The following LRP1B variants were observed in gnomAD, a reference collection of about 807,000 sequenced individuals.
LRP1B encodes the protein LDL receptor related protein 1B.
Under a neutral mutation model 556.6 loss-of-function variants are expected in LRP1B, and 217 were observed. That is an observed-to-expected ratio of 0.39 (90% confidence interval 0.35 to 0.44). LRP1B has a LOEUF of 0.44. LRP1B is among the 20% of genes least tolerant of loss of function. The pLI is 1.00. For synonymous variants in LRP1B, 2,047 were observed against 1,865.8 expected, an observed-to-expected ratio of 1.10 and a Z score of -2.50; for missense variants, 5,053 against 5,620.8, an observed-to-expected ratio of 0.90 and a Z score of 3.23.
At chr2:140,792,768 T>C (rs901731602) in intron 32 of LRP1B, among the ~76,000 whole-genome samples, 2 of 152,134 alleles carry the variant, frequency 1.3e-5, no homozygotes, top group Non-Finnish European at 2.9e-5. Flanking sequence ...GGAATAGTAG[T>C]GCTTTCATTA....
At chr2:140,575,361 A>G (rs1574095782) in intron 43 of LRP1B, among the ~76,000 whole-genome samples, 1 of 152,262 alleles carries the variant, frequency 6.6e-6, no homozygotes, top group East Asian at 1.9e-4. Context: ...ATGTCCTCCT[A>G]ATTTTGCAGA....
At chr2:141,338,194 C>T (rs768949361) in intron 3 of LRP1B, among the ~76,000 whole-genome samples, 3 of 152,132 alleles carry the variant, frequency 2.0e-5, no homozygotes, top group Non-Finnish European at 4.4e-5. Context: ...TATAACCCAA[C>T]CTCTTGGGAC....
intron 17 of LRP1B, 79 bp downstream of exon 17, chr2:140,989,453 T>C (rs778134442): frequency 1.1e-4 from 169 of 1,522,232 alleles, no homozygotes; most frequent in Non-Finnish European, 1.4e-4. Context: ...AAGTTCAGCT[T>C]AGTTCAAAGC....
At chr2:140,458,064 A>C (rs1158342714) in intron 60 of LRP1B, among the ~76,000 whole-genome samples, 1 of 152,078 alleles carries the variant, frequency 6.6e-6, no homozygotes, top group Non-Finnish European at 1.5e-5. Flanking sequence ...TAAATACCTA[A>C]ATCTAAAGAT....
At chr2:141,082,102 GTCTC>G (rs1173359848) in intron 7 of LRP1B, among the ~76,000 whole-genome samples, 14 of 147,620 alleles carry the variant, frequency 9.5e-5, no homozygotes. Flanking sequence ...AAAAGAGAAA[GTCTC>G]TATAGCTCCA....
intron 18 of LRP1B, among the ~76,000 whole-genome samples, chr2:140,964,985 T>C (rs1696159144): frequency 6.6e-6 from 1 of 152,042 alleles, no homozygotes; most frequent in Non-Finnish European, 1.5e-5. Context: ...CAACTGAGGT[T>C]TGGAGGGATA....
intron 41 of LRP1B, among the ~76,000 whole-genome samples, chr2:140,619,985 C>T (rs958301028): frequency 2.6e-5 from 4 of 151,952 alleles, no homozygotes; most frequent in African/African-American, 9.7e-5. Flanking sequence ...AATTTAAAAC[C>T]TGTCAAAGTT....
chr2:140,403,587 A>G (rs1684601108), intron 66 of LRP1B, among the ~76,000 whole-genome samples: 1 of 152,208 alleles, frequency 6.6e-6, no homozygotes, highest in African/African-American at 2.4e-5. Context: ...AGAAAAAAGA[A>G]TCAAAAGAAA....
intron 14 of LRP1B, among the ~76,000 whole-genome samples, chr2:141,007,691 A>T (rs1408532009): frequency 6.6e-6 from 1 of 151,758 alleles, no homozygotes; most frequent in African/African-American, 2.4e-5. Context: ...TTAATTCAAC[A>T]TATTTTGAGA....
rs779193392 is a variant in LRP1B, at chr2:140,868,086, T to C, written c.4334+13A>G. ...TAAAAAAAAAAATACAGAAAAGAGATGATTTTTTAAACCTGGCGTCTGTCC... is the reference window on the plus strand; with the variant it reads ...TAAAAAAAAAAATACAGAAAAGAGACGATTTTTTAAACCTGGCGTCTGTCC... On this transcript the variant is annotated intron_variant, in intron 26 of 90. Transcript: ENST00000389484. The C allele has an allele frequency of 4.4e-6, 7 of 1,573,192 alleles. No homozygotes were observed. The South Asian group carries it at 4.8e-5, about 11-fold the overall frequency.
chr2:140,509,236 C>T (rs549745166), intron 52 of LRP1B, among the ~76,000 whole-genome samples: 2 of 152,198 alleles, frequency 1.3e-5, no homozygotes, highest in South Asian at 4.1e-4. Context: ...AATTGCTCAG[C>T]CCAAAGGATC....
intron 2 of LRP1B, among the ~76,000 whole-genome samples, chr2:141,678,204 T>A (rs1690961040): frequency 6.6e-6 from 1 of 152,154 alleles, no homozygotes; most frequent in Non-Finnish European, 1.5e-5. Flanking sequence ...TCATAATCAA[T>A]GTTTATCTAT....
intron 6 of LRP1B, among the ~76,000 whole-genome samples, chr2:141,195,490 G>A (rs1681712620): frequency 6.6e-6 from 1 of 152,060 alleles, no homozygotes; most frequent in Non-Finnish European, 1.5e-5. Flanking sequence ...AATCTTTTAT[G>A]CAGCAAAAGA....
At chr2:142,029,478 A>C (rs1260296465) in intron 1 of LRP1B, among the ~76,000 whole-genome samples, 1 of 151,902 alleles carries the variant, frequency 6.6e-6, no homozygotes, top group Non-Finnish European at 1.5e-5. Context: ...CAATAGAAAT[A>C]GAAAACATAT....
At chr2:141,321,180 C>T (rs1687224259) in intron 3 of LRP1B, among the ~76,000 whole-genome samples, 1 of 152,070 alleles carries the variant, frequency 6.6e-6, no homozygotes, top group South Asian at 2.1e-4. Context: ...GACCTCAGTA[C>T]TCTTGAAGCT....
chr2:142,036,661 AAAT>A (rs1400367617), intron 1 of LRP1B, among the ~76,000 whole-genome samples: 1 of 151,534 alleles, frequency 6.6e-6, no homozygotes, highest in African/African-American at 2.4e-5. Flanking sequence ...TTTTTGACAA[AAAT>A]AATAACAATT....
At chr2:141,904,213 A>C (rs1699695496) in intron 1 of LRP1B, among the ~76,000 whole-genome samples, 1 of 151,912 alleles carries the variant, frequency 6.6e-6, no homozygotes, top group Admixed American at 6.6e-5. Flanking sequence ...GAGAGAAGAC[A>C]GGGAGAACAG....
At chr2:142,127,879 T>G (rs541769277) in intron 1 of LRP1B, among the ~76,000 whole-genome samples, 2 of 152,060 alleles carry the variant, frequency 1.3e-5, no homozygotes, top group Non-Finnish European at 2.9e-5. Context: ...CTTTAAGATA[T>G]ACTTCCTTTT....
chr2:140,795,896 TC>T (rs1444872059), intron 32 of LRP1B, among the ~76,000 whole-genome samples: 2 of 152,104 alleles, frequency 1.3e-5, no homozygotes, highest in Non-Finnish European at 2.9e-5. Flanking sequence ...ATTCTTATAT[TC>T]TTACTCTAAT....
Sources: gnomAD v4.1 joint callset for allele counts (sites outside exome capture counted in the v4.1 genomes callset) on GRCh38, gnomAD v4.1.1 for gene constraint, MANE v1.5 for transcripts, NCBI Gene and HGNC (gene_info 2026-07-23, HGNC 2026-07-21) for gene names.